PIEZO2: variants seen among roughly 807,000 people sequenced by gnomAD.
PIEZO2 encodes the protein piezo type mechanosensitive ion channel component 2, also known as piezo-type mechanosensitive ion channel component 2.
A neutral mutation model predicts 337.3 loss-of-function variants in PIEZO2; 172 were observed. The ratio of observed to expected loss-of-function variants is 0.51; its 90% confidence interval spans 0.45 to 0.58. The LOEUF (loss-of-function observed/expected upper bound fraction) is 0.58, where lower values mean the gene tolerates loss of function less well. Among genes scored for constraint, PIEZO2 ranks in the 20% least tolerant of loss-of-function variants. The probability of loss-of-function intolerance (pLI) is 0.00; values close to 1 mark genes in which losing one functional copy is unlikely to be tolerated. For synonymous variants in PIEZO2, 1,251 were observed against 1,228.5 expected (o/e 1.02, Z -0.38); for missense variants, 3,028 against 3,391.3 (o/e 0.89, Z 2.66).
At chr18:10,745,212 T>C (rs1016315682) in intron 30 of PIEZO2, among the ~76,000 whole-genome samples, 1 of 152,212 alleles carries the variant, frequency 6.6e-6, no homozygotes, top group Non-Finnish European at 1.5e-5. Context: ...GCCTGCCTTG[T>C]GCTCCAGGTC....
At chr18:11,050,038 C>G (rs1026750638) in intron 2 of PIEZO2, among the ~76,000 whole-genome samples, 1 of 152,136 alleles carries the variant, frequency 6.6e-6, no homozygotes, top group Admixed American at 6.5e-5. Flanking sequence ...CTGAAACTCC[C>G]TCTGTCTGAC....
In PIEZO2 at chr18:10,993,944, G is replaced by T. The variant is rs980521638; in HGVS notation, c.161-14284C>A. Among the ~76,000 whole-genome samples the T allele has an allele frequency of 6.6e-6, 1 of 151,966 alleles. No homozygotes were observed. Among genetic ancestry groups the T allele is most frequent in the African/African-American group, 2.4e-5 (1 of 41,358 alleles). ...TTTGGTAGTTATTTGTGAGATTTTG[G>T]TGTACCCATCACCCAAGAAGTATAC... On this transcript the variant is annotated intron_variant, in intron 2 of 55. Coordinates refer to ENST00000674853, the MANE Select transcript of PIEZO2 (RefSeq NM_001378183.1). The surrounding 1 kb of genome is among the most constrained non-coding windows in gnomAD (Gnocchi z 5.0).
chr18:10,760,440 GA>G (rs1208720554), intron 24 of PIEZO2, among the ~76,000 whole-genome samples: 2 of 152,178 alleles, frequency 1.3e-5, no homozygotes, highest in African/African-American at 4.8e-5. Flanking sequence ...AAGTAGCTGT[GA>G]TTACAGGCGT....
chr18:10,857,344 A>T, intron 5 of PIEZO2, 133 bp from the exon 6 acceptor site: 1 of 723,752 alleles, frequency 1.4e-6, no homozygotes, highest in South Asian at 1.8e-5. Context: ...GAAGACAACC[A>T]GTTCATTCCC....
At chr18:11,117,594 A>C (rs2039926662) in intron 1 of PIEZO2, among the ~76,000 whole-genome samples, 1 of 152,232 alleles carries the variant, frequency 6.6e-6, no homozygotes, top group South Asian at 2.1e-4. Flanking sequence ...TTTACTCATC[A>C]CCTACATCAG....
rs2144116729 is a variant in PIEZO2 at position 10,784,855 on chromosome 18, G to A, written c.2421C>T (p.Tyr807=). 7 of 1,537,804 alleles carry A rather than the reference G, an allele frequency of 4.6e-6. No individual in the cohort carries two copies. The highest frequency in any genetic ancestry group is 6.1e-6 in the Non-Finnish European group (7 of 1,147,000). The change falls in exon 17 of 56, where the codon TAC becomes TAT. Residue 807 remains tyrosine (Y), a synonymous_variant. Transcript: ENST00000674853. This position sits in a 1 kb window ranked among gnomAD's most constrained non-coding sequence, Gnocchi z 4.5. ...FLLVCILHLH[Y]FHDRFLELTD... Reference sequence around the variant, plus strand: ...TGAGTTCAAGGAACCGGTCATGGAAGTAGTGCAGGTGTAAAATGCACACCA... The same window carrying A: ...TGAGTTCAAGGAACCGGTCATGGAAATAGTGCAGGTGTAAAATGCACACCA...
At position 10,953,352 on chromosome 18, in the gene PIEZO2, T is replaced by A. The variant is rs376241992; in HGVS notation, c.286+26183A>T. ...AAGATTACAAACATTTTCTCCTATA[T>A]TTTTTGCAAGAGTTTTATGGTTTCA... On this transcript the variant is annotated intron_variant, in intron 3 of 55. Coordinates refer to ENST00000674853, the MANE Select transcript of PIEZO2 (RefSeq NM_001378183.1). The surrounding 1 kb of genome is among the most constrained non-coding windows in gnomAD (Gnocchi z 5.2). Among the ~76,000 whole-genome samples the A allele has an allele frequency of 5.3e-5, 8 of 152,288 alleles. 1 individual carries two copies. The highest frequency in any genetic ancestry group is 1.9e-4 in the African/African-American group (8 of 41,564).
At position 10,828,692 on chromosome 18, in the gene PIEZO2, G is replaced by A. The variant is rs1200695192; in HGVS notation, c.918-21418C>T. ...GGTGGCAATACTGGTCATATGTTCA[G>A]AGGAACTCTACTGTCTGGAGTCTGA... On this transcript the variant is annotated intron_variant, in intron 7 of 55. Coordinates refer to ENST00000674853, the MANE Select transcript of PIEZO2 (RefSeq NM_001378183.1). This position sits in a 1 kb window ranked among gnomAD's most constrained non-coding sequence, Gnocchi z 4.1. Among the ~76,000 whole-genome samples, 3 of 152,144 alleles carry A rather than the reference G, an allele frequency of 2.0e-5. No homozygotes were observed. The highest frequency in any genetic ancestry group is 7.2e-5 in the African/African-American group (3 of 41,430).
intron 1 of PIEZO2, among the ~76,000 whole-genome samples, chr18:11,113,842 C>T (rs1299930273): frequency 6.6e-6 from 1 of 152,226 alleles, no homozygotes; most frequent in South Asian, 2.1e-4. Context: ...TGTCCACCTT[C>T]GTGTCCTTTC....
At position 10,952,398 on chromosome 18, in the gene PIEZO2, C is replaced by T. The variant is rs546404988; in HGVS notation, c.286+27137G>A. On this transcript the variant is annotated intron_variant, in intron 3 of 55. Transcript: ENST00000674853. The surrounding 1 kb of genome is among the most constrained non-coding windows in gnomAD (Gnocchi z 4.1). ...AGTCAGCCACTCCCCTGATCCTCCA[C>T]CCCATGGTGAGCAATGATGCACTTT... Among the ~76,000 whole-genome samples, 12 of 152,316 alleles carry T rather than the reference C, an allele frequency of 7.9e-5. No individual in the cohort carries two copies. The East Asian group carries it at 2.3e-3, about 29-fold the overall frequency.
Position 11,021,471 on chromosome 18 carries a change from T to C in PIEZO2, c.161-41811A>G, listed in dbSNP as rs1391872392. ...CCCACTGCAAGGGCTCCATGAATGC[T>C]TTCTTGGTGGTAAGGATGCAAATTT... On this transcript the variant is annotated intron_variant, in intron 2 of 55. Transcript: ENST00000674853. This position sits in a 1 kb window ranked among gnomAD's most constrained non-coding sequence, Gnocchi z 4.7. Among the ~76,000 whole-genome samples the C allele has an allele frequency of 1.3e-5, 2 of 152,206 alleles. No individual in the cohort carries two copies. The highest frequency in any genetic ancestry group is 2.9e-5 in the Non-Finnish European group (2 of 68,034).
chr18:11,014,006 A>C (rs898145564), intron 2 of PIEZO2, among the ~76,000 whole-genome samples: 34 of 152,216 alleles, frequency 2.2e-4, no homozygotes, highest in African/African-American at 7.5e-4. Context: ...AACCGAGAAG[A>C]ATGAAAAGGT....
intron 1 of PIEZO2, among the ~76,000 whole-genome samples, chr18:11,142,953 C>T (rs978886258): frequency 5.3e-5 from 8 of 152,098 alleles, no homozygotes; most frequent in Middle Eastern, 3.2e-3. Flanking sequence ...GTGGCACGCA[C>T]CTGTAGCCCC....
chr18:11,023,090 A>C (rs1417051383), intron 2 of PIEZO2, among the ~76,000 whole-genome samples: 2 of 152,110 alleles, frequency 1.3e-5, no homozygotes, highest in Non-Finnish European at 2.9e-5. Context: ...ACAGCTCATA[A>C]AGTCAGTGTG....
In PIEZO2 at chr18:11,032,178, C is replaced by T. The variant is rs1313710170; in HGVS notation, c.160+33949G>A. On this transcript the variant is annotated intron_variant, in intron 2 of 55. Coordinates refer to ENST00000674853, the MANE Select transcript of PIEZO2 (RefSeq NM_001378183.1). This position sits in a 1 kb window ranked among gnomAD's most constrained non-coding sequence, Gnocchi z 4.9. ...CTGCTGAATGGCAAAAATGCAAAACCCAAATGAACACAGCAGCAGAGAGCC... is the reference window on the plus strand; with the variant it reads ...CTGCTGAATGGCAAAAATGCAAAACTCAAATGAACACAGCAGCAGAGAGCC... 1.3e-5 allele frequency among the ~76,000 whole-genome samples: 2 copies of T among 152,256 alleles called. No homozygotes were observed. Among genetic ancestry groups the T allele is most frequent in the East Asian group, 1.9e-4 (1 of 5,180 alleles).
chr18:10,729,229 A>G (rs1406049732), intron 36 of PIEZO2, among the ~76,000 whole-genome samples: 1 of 152,228 alleles, frequency 6.6e-6, no homozygotes, highest in Non-Finnish European at 1.5e-5. Context: ...CAAAAAGAAG[A>G]GACTTTGTAA....
intron 3 of PIEZO2, among the ~76,000 whole-genome samples, chr18:10,918,122 C>A (rs2031133091): frequency 1.3e-5 from 2 of 152,086 alleles, no homozygotes. Flanking sequence ...ATGATATATA[C>A]CCAAGGAATA....
rs765237185 is a variant in PIEZO2, at chr18:11,102,247, TA to T, written c.65-36026del. On this transcript the variant is annotated intron_variant, in intron 1 of 55. Coordinates refer to ENST00000674853, the MANE Select transcript of PIEZO2 (RefSeq NM_001378183.1). This position sits in a 1 kb window ranked among gnomAD's most constrained non-coding sequence, Gnocchi z 5.7. ...ATGAGATAAAAAATACATTCTAATT[TA>T]AAATGTATCCAGTGAGCTTAATCTT... 3.9e-5 allele frequency among the ~76,000 whole-genome samples: 6 copies of T among 152,350 alleles called. No homozygotes were observed. The highest frequency in any genetic ancestry group is 1.4e-4 in the African/African-American group (6 of 41,586).
At chr18:11,122,125 T>G (rs1381542140) in intron 1 of PIEZO2, among the ~76,000 whole-genome samples, 1 of 152,126 alleles carries the variant, frequency 6.6e-6, no homozygotes, top group Non-Finnish European at 1.5e-5. Context: ...AGCTAATTTT[T>G]TTTGTATTTT....
Sources: allele counts gnomAD v4.1 joint callset (sites outside exome capture counted in the v4.1 genomes callset), GRCh38; gene constraint gnomAD v4.1.1; non-coding constraint Gnocchi (gnomAD v3.1); transcripts MANE v1.5; gene names NCBI Gene and HGNC (gene_info 2026-07-23, HGNC 2026-07-21).